Variants in BRSK2 observed in about 807,000 individuals in gnomAD.
The protein encoded by BRSK2 is serine/threonine-protein kinase BRSK2.
Under a neutral mutation model 83.3 loss-of-function variants are expected in BRSK2, and 19 were observed. That is an observed-to-expected ratio of 0.23 (90% CI 0.16 to 0.33). The LOEUF is 0.33. Among genes scored for constraint, BRSK2 ranks in the 10% least tolerant of loss-of-function variants. The pLI is 1.00. For synonymous variants in BRSK2, 519 were observed against 435.4 expected, an observed-to-expected ratio of 1.19 and a Z score of -2.39; for missense variants, 798 against 1,042.3, an observed-to-expected ratio of 0.77 and a Z score of 3.23.
chr11:1,443,674 G>T (rs757327093), intron 8 of BRSK2, 39 bp downstream of exon 8: 22 of 81,942 alleles, frequency 2.7e-4, no homozygotes, highest in Middle Eastern at 2.2e-3. Context: ...AGAGCGTGGC[G>T]GGGGGGCGCG....
chr11:1,444,740 GGT>G (rs1851786330), intron 8 of BRSK2, among the ~76,000 whole-genome samples: 2 of 150,998 alleles, frequency 1.3e-5, no homozygotes, highest in African/African-American at 4.9e-5. Flanking sequence ...TCCTCCTTGA[GGT>G]GTGTGTTTTC....
At position 1,454,191 on chromosome 11, in the gene BRSK2, A is replaced by G. The variant is rs74233938; in HGVS notation, c.1545-294A>G. 0.024 allele frequency: 4,272 copies of G among 178,982 alleles called. 139 individuals carry two copies. The highest frequency in any genetic ancestry group is 0.24 in the East Asian group (1,303 of 5,480). 11.1% of individuals were successfully genotyped at this position (178,982 alleles called of 1,614,324 possible). ...TCACCTGTGGGGGGCTCACCTGTGGAGGGGCATCCCCAGACTTGGGAGTGG... is the reference window on the plus strand; with the variant it reads ...TCACCTGTGGGGGGCTCACCTGTGGGGGGGCATCCCCAGACTTGGGAGTGG... On this transcript the variant is annotated intron_variant, in intron 15 of 19. Transcript: ENST00000528841. The surrounding 1 kb of genome is among the most constrained non-coding windows in gnomAD (Gnocchi z 5.2).
rs1169555477 is a variant in BRSK2, at chr11:1,456,666, C to A, written c.1918C>A (p.Pro640Thr). The A allele has an allele frequency of 6.2e-7, 1 of 1,607,904 alleles. No homozygotes were observed. The highest frequency in any genetic ancestry group is 8.5e-7 in the Non-Finnish European group (1 of 1,178,168). ...QAQLLSTHDP[P>T]AAQHLSDTTN... ...CCAGCTGCTGAGCACACACGACCCG[C>A]CTGCGGCCCAGCACTTGTCAGGTGA... The change falls in exon 18 of 20, where the codon CCT (proline) becomes ACT (threonine). Residue 640 changes from proline (P) to threonine (T), a missense_variant. By Grantham distance (38) the Pro-to-Thr change is conservative. This residue lies in a region of BRSK2 where 455 missense variants were observed against 455.2 expected (regional missense o/e 1.00). Transcript: ENST00000528841.
intron 1 of BRSK2, among the ~76,000 whole-genome samples, chr11:1,418,276 A>G (rs1848307128): frequency 8.3e-6 from 1 of 120,910 alleles, no homozygotes; most frequent in African/African-American, 3.4e-5. Context: ...TCTTCTCTTG[A>G]GAGTGGGTCA....
chr11:1,406,734 G>A (rs2134082127), intron 1 of BRSK2, among the ~76,000 whole-genome samples: 1 of 152,336 alleles, frequency 6.6e-6, no homozygotes, highest in African/African-American at 2.4e-5. Context: ...GAGGGTGCGG[G>A]GGTGGGCCTG....
At chr11:1,421,190 G>A (rs1848602210) in intron 1 of BRSK2, among the ~76,000 whole-genome samples, 1 of 152,186 alleles carries the variant, frequency 6.6e-6, no homozygotes, top group Non-Finnish European at 1.5e-5. Flanking sequence ...ACAGTGTGGG[G>A]GCTCTCATTT....
At chr11:1,448,876 G>A (rs1483911631) in intron 12 of BRSK2, among the ~76,000 whole-genome samples, 2 of 152,244 alleles carry the variant, frequency 1.3e-5, no homozygotes, top group South Asian at 2.1e-4. Flanking sequence ...TCCACGGTCC[G>A]GGGCCTGGGC....
chr11:1,404,619 C>T (rs1441737001), intron 1 of BRSK2, among the ~76,000 whole-genome samples: 2 of 152,212 alleles, frequency 1.3e-5, no homozygotes, highest in Non-Finnish European at 2.9e-5. Flanking sequence ...GGATGCCCTG[C>T]CCTGGTTCCT....
At chr11:1,457,529 G>A (rs1259794544) in intron 18 of BRSK2, among the ~76,000 whole-genome samples, 1 of 152,192 alleles carries the variant, frequency 6.6e-6, no homozygotes, top group Admixed American at 6.5e-5. Flanking sequence ...TGGGGGCAGG[G>A]CGGAGCACTG....
At chr11:1,443,297 C>T in intron 6 of BRSK2, 38 bp from the exon 7 acceptor site, 1 of 1,580,240 alleles carries the variant, frequency 6.3e-7, no homozygotes, top group Non-Finnish European at 8.6e-7. Flanking sequence ...CCCGCCCTGC[C>T]CTGCGCCCCC....
In BRSK2 at chr11:1,444,142, A is replaced by G. The variant is rs553037243; in HGVS notation, c.780+507A>G. Reference sequence around the variant, plus strand: ...GTGAGACCTGGCTATAAGTTACACAAAAGCACTGGTGCTTCCCCATCACGG... The same window carrying G: ...GTGAGACCTGGCTATAAGTTACACAGAAGCACTGGTGCTTCCCCATCACGG... On this transcript the variant is annotated intron_variant, in intron 8 of 19. Coordinates refer to ENST00000528841, the MANE Select transcript of BRSK2 (RefSeq NM_001256627.2). Among the ~76,000 whole-genome samples the G allele has an allele frequency of 7.2e-5, 11 of 152,142 alleles. No homozygotes were observed. The East Asian group carries it at 2.1e-3, about 29-fold the overall frequency.
chr11:1,442,949 T>G (rs1851553955), intron 5 of BRSK2, among the ~76,000 whole-genome samples, 157 bp from the exon 6 acceptor site: 1 of 151,994 alleles, frequency 6.6e-6, no homozygotes, highest in Non-Finnish European at 1.5e-5. Flanking sequence ...CACCTTGATC[T>G]CCTCCCAAAA....
At chr11:1,446,240 C>T (rs1453587600) in intron 12 of BRSK2, among the ~76,000 whole-genome samples, 1 of 122,006 alleles carries the variant, frequency 8.2e-6, no homozygotes, top group African/African-American at 3.1e-5. Context: ...CTGTACTGGA[C>T]TGCGCGGCTG....
At chr11:1,406,029 C>G (rs1846852569) in intron 1 of BRSK2, among the ~76,000 whole-genome samples, 1 of 152,154 alleles carries the variant, frequency 6.6e-6, no homozygotes, top group Admixed American at 6.5e-5. Context: ...AGGAACCTCC[C>G]AACTCTGTCC....
Position 1,390,969 on chromosome 11 carries a change from C to T in BRSK2, c.91+594C>T, listed in dbSNP as rs1307192515. Among the ~76,000 whole-genome samples, 2 of 152,262 alleles carry T rather than the reference C, an allele frequency of 1.3e-5. No homozygotes were observed. Among genetic ancestry groups the T allele is most frequent in the Middle Eastern group, 3.4e-3 (1 of 294 alleles). ...GGCGGAGCGTCTGTGACCTGCATTCCCACGGGGCAGGGAGAGGCCATTGGT... is the reference window on the plus strand; with the variant it reads ...GGCGGAGCGTCTGTGACCTGCATTCTCACGGGGCAGGGAGAGGCCATTGGT... On this transcript the variant is annotated intron_variant, in intron 1 of 19. Transcript: ENST00000528841. The surrounding 1 kb of genome is among the most constrained non-coding windows in gnomAD (Gnocchi z 6.8).
At chr11:1,450,556 A>T (rs1287457881) in intron 13 of BRSK2, 31 bp from the exon 14 acceptor site, 1 of 1,358,714 alleles carries the variant, frequency 7.4e-7, no homozygotes. Context: ...CCGGGATTGA[A>T]CCAAACACCA....
At chr11:1,424,508 G>T (rs908567598) in intron 1 of BRSK2, among the ~76,000 whole-genome samples, 3 of 152,232 alleles carry the variant, frequency 2.0e-5, no homozygotes, top group Non-Finnish European at 4.4e-5. Context: ...CTTCACTGGG[G>T]TGGGGCCAAG....
chr11:1,410,793 G>A, intron 1 of BRSK2: 23 of 985,308 alleles, frequency 2.3e-5, no homozygotes, highest in Non-Finnish European at 2.8e-5. Context: ...GCCACAGGTG[G>A]CCCCCCCGCC....
At chr11:1,424,823 G>A (rs191554887) in intron 1 of BRSK2, among the ~76,000 whole-genome samples, 2 of 151,908 alleles carry the variant, frequency 1.3e-5, no homozygotes, top group African/African-American at 2.4e-5. Context: ...ACCTACTGGC[G>A]GGGGGGCAGG....
Sources: allele counts gnomAD v4.1 joint callset (sites outside exome capture counted in the v4.1 genomes callset), GRCh38; gene constraint gnomAD v4.1.1; regional missense constraint gnomAD v4.1.1; non-coding constraint Gnocchi (gnomAD v3.1); transcripts MANE v1.5; gene names NCBI Gene and HGNC (gene_info 2026-07-23, HGNC 2026-07-21).